The following SRD5A3 variants were observed in gnomAD, a reference collection of about 807,000 sequenced individuals.
SRD5A3 encodes steroid 5 alpha-reductase 3.
SRD5A3 carries 24 observed loss-of-function variants against 34.3 expected under a neutral mutation model. That is an observed-to-expected ratio of 0.70 (90% confidence interval 0.51 to 0.99). The LOEUF (loss-of-function observed/expected upper bound fraction) is 0.99, where lower values mean the gene tolerates loss of function less well. Among genes scored for constraint, SRD5A3 ranks in the 50% least tolerant of loss-of-function variants. The pLI is 0.00. For synonymous variants in SRD5A3, 161 were observed against 167.3 expected, an observed-to-expected ratio of 0.96 and a Z score of 0.29; for missense variants, 350 against 388.2, an observed-to-expected ratio of 0.90 and a Z score of 0.83.
chr4:55,356,000 ATTTTTTTTT>A (rs10648522), intron 1 of SRD5A3, among the ~76,000 whole-genome samples: 2 of 74,264 alleles, frequency 2.7e-5, no homozygotes, highest in South Asian at 6.7e-4. Flanking sequence ...TTTTGCCTCC[ATTTTTTTTT>A]TTTTTTTTTT....
chr4:55,354,828 G>A (rs967604653), intron 1 of SRD5A3, among the ~76,000 whole-genome samples: 2 of 151,338 alleles, frequency 1.3e-5, no homozygotes, highest in Non-Finnish European at 2.9e-5. Context: ...GCGCGCGTGC[G>A]TGCGCGCGTA....
In SRD5A3 at chr4:55,372,547, T is replaced by C. The variant is rs1720165729; in HGVS notation, c.*2456T>C. 1 of 152,196 alleles carries C rather than the reference T, an allele frequency of 6.6e-6. No homozygotes were observed. The highest frequency in any genetic ancestry group is 6.5e-5 in the Admixed American group (1 of 15,284). 9.4% of individuals were successfully genotyped at this position (152,196 alleles called of 1,614,324 possible). A position where few individuals can be genotyped will look rare whatever the true frequency, so the allele number is the denominator to read the frequency against. On this transcript the variant is annotated 3_prime_UTR_variant, in exon 5 of 5. Transcript: ENST00000264228. ...GTCACCGATGGGAAATAATTGAGAA[T>C]TGTGCAGTGCTTGCAGCGTCAGAAT...
rs1188743296 is a variant in SRD5A3 at position 55,352,227 on chromosome 4, GTA to G, written c.221+5672_221+5673del. On this transcript the variant is annotated intron_variant, in intron 1 of 4. Transcript: ENST00000264228. ...GATGTGGTAAGGTGGGCCCAGCTGT[GTA>G]TTATATTGGAAAAATAAGCAGGTAG... The G allele has an allele frequency of 3.2e-6, 3 of 946,436 alleles. No homozygotes were observed. In the African/African-American group the frequency reaches 4.8e-5, roughly 15 times the overall value. The allele number at this position is 946,436 out of a possible 1,614,324, so 58.6% of individuals were successfully genotyped here. A position where few individuals can be genotyped will look rare whatever the true frequency, so the allele number is the denominator to read the frequency against.
intron 2 of SRD5A3, among the ~76,000 whole-genome samples, chr4:55,361,950 G>C (rs1382582233): frequency 6.6e-6 from 1 of 152,148 alleles, no homozygotes; most frequent in East Asian, 1.9e-4. Flanking sequence ...TGGTTGTGAG[G>C]ATATGAGGAA....
At chr4:55,362,331 T>C (rs1355235787) in intron 2 of SRD5A3, among the ~76,000 whole-genome samples, 4 of 152,134 alleles carry the variant, frequency 2.6e-5, no homozygotes, top group African/African-American at 9.7e-5. Context: ...TTTCACTCTG[T>C]TGGCCAGGCT....
chr4:55,360,438 G>A (rs969573452), intron 2 of SRD5A3, among the ~76,000 whole-genome samples: 25 of 151,700 alleles, frequency 1.6e-4, no homozygotes, highest in African/African-American at 5.1e-4. Flanking sequence ...CCTGGGAGGC[G>A]GAGGTTGCCA....
At chr4:55,368,888 G>A (rs1248231358) in intron 4 of SRD5A3, among the ~76,000 whole-genome samples, 1 of 151,894 alleles carries the variant, frequency 6.6e-6, no homozygotes, top group Non-Finnish European at 1.5e-5. Context: ...ACAGGCGTGT[G>A]CCACCACATC....
At chr4:55,357,348 G>C (rs1719506185) in intron 1 of SRD5A3, among the ~76,000 whole-genome samples, 1 of 152,222 alleles carries the variant, frequency 6.6e-6, no homozygotes. Context: ...TACGTAAAGT[G>C]GCTGGTCCAG....
intron 2 of SRD5A3, among the ~76,000 whole-genome samples, chr4:55,360,056 C>CA (rs1196217500): frequency 1.3e-5 from 2 of 151,092 alleles, no homozygotes; most frequent in Non-Finnish European, 1.5e-5. Flanking sequence ...ACTAAAAATA[C>CA]AAAAAAAAGT....
At chr4:55,365,042 A>C (rs1485361163) in intron 3 of SRD5A3, among the ~76,000 whole-genome samples, 2 of 152,148 alleles carry the variant, frequency 1.3e-5, no homozygotes, top group African/African-American at 4.8e-5. Context: ...ATTTTTGTAA[A>C]AACAATGCAT....
chr4:55,363,880 G>A, intron 2 of SRD5A3, 194 bp from the exon 3 acceptor site: 1 of 632,672 alleles, frequency 1.6e-6, no homozygotes, highest in South Asian at 1.8e-5. Flanking sequence ...TGAACCCAGT[G>A]AACTGTGTAA....
At chr4:55,359,108 G>C in intron 1 of SRD5A3, 2 of 513,348 alleles carry the variant, frequency 3.9e-6, no homozygotes, top group East Asian at 3.7e-5. Context: ...AACACAGTTG[G>C]TTGTGTTCTT....
intron 1 of SRD5A3, among the ~76,000 whole-genome samples, chr4:55,353,506 C>A (rs1013951392): frequency 2.0e-5 from 3 of 152,192 alleles, no homozygotes; most frequent in Non-Finnish European, 2.9e-5. Flanking sequence ...AAAAGCTGGC[C>A]ACCCGAGCCA....
chr4:55,354,329 C>T (rs62305114), intron 1 of SRD5A3, among the ~76,000 whole-genome samples: 26,613 of 152,090 alleles, frequency 0.17, 2,723 homozygotes, highest in South Asian at 0.24. Flanking sequence ...AACTCCTGAC[C>T]TCAGGTGATC....
chr4:55,363,379 A>C (rs554212977), intron 2 of SRD5A3, among the ~76,000 whole-genome samples: 1 of 152,176 alleles, frequency 6.6e-6, no homozygotes. Flanking sequence ...AGCTGCAGTG[A>C]GGCCTGACTG....
At chr4:55,352,584 G>A (rs1159142080) in intron 1 of SRD5A3, among the ~76,000 whole-genome samples, 4 of 152,302 alleles carry the variant, frequency 2.6e-5, no homozygotes, top group African/African-American at 9.6e-5. Flanking sequence ...ACACCTGACT[G>A]GTAATAAGGA....
chr4:55,355,999 C>CTTTTTTTTTT (rs1578204604), intron 1 of SRD5A3, among the ~76,000 whole-genome samples: 28 of 65,934 alleles, frequency 4.2e-4, no homozygotes, highest in Non-Finnish European at 7.5e-4. Context: ...CTTTTGCCTC[C>CTTTTTTTTTT]ATTTTTTTTT....
intron 4 of SRD5A3, among the ~76,000 whole-genome samples, chr4:55,368,862 C>T (rs1327083128): frequency 3.9e-5 from 6 of 152,086 alleles, no homozygotes; most frequent in Non-Finnish European, 8.8e-5. Flanking sequence ...CCTCAGCCTC[C>T]CAAGTAGTTG....
intron 2 of SRD5A3, chr4:55,363,863 G>T: frequency 1.7e-6 from 1 of 605,158 alleles, no homozygotes; most frequent in East Asian, 2.8e-5. Flanking sequence ...TGAGTGATGG[G>T]TGTTTGTGAA....
Sources: allele counts gnomAD v4.1 joint callset (sites outside exome capture counted in the v4.1 genomes callset), GRCh38; gene constraint gnomAD v4.1.1; transcripts MANE v1.5; gene names NCBI Gene and HGNC (gene_info 2026-07-23, HGNC 2026-07-21).